WNT3: variants seen among roughly 807,000 people sequenced by gnomAD.
The protein encoded by WNT3 is proto-oncogene Wnt-3.
WNT3 carries 7 observed loss-of-function variants against 34.2 expected under a neutral mutation model. The ratio of observed to expected loss-of-function variants is 0.20; its 90% CI spans 0.12 to 0.38. The LOEUF is 0.38. WNT3 is among the 10% of genes least tolerant of loss of function. The probability of loss-of-function intolerance (pLI) is 1.00; values close to 1 mark genes in which losing one functional copy is unlikely to be tolerated. For synonymous variants in WNT3, 212 were observed against 211.5 expected, an observed-to-expected ratio of 1.00 and a Z score of -0.02; for missense variants, 267 against 499.8, an observed-to-expected ratio of 0.53 and a Z score of 4.44.
At chr17:46,771,932 G>GCGC (rs956328921) in intron 2 of WNT3, among the ~76,000 whole-genome samples, 3 of 141,344 alleles carry the variant, frequency 2.1e-5, no homozygotes, top group African/African-American at 7.6e-5. Flanking sequence ...CGGGCCCGCC[G>GCGC]CGCCGCCGCC....
At chr17:46,793,365 A>C (rs1048591415) in intron 1 of WNT3, among the ~76,000 whole-genome samples, 1 of 150,924 alleles carries the variant, frequency 6.6e-6, no homozygotes, top group Non-Finnish European at 1.5e-5. Flanking sequence ...CTAAGGAGAA[A>C]GGGAAGGAAG....
intron 1 of WNT3, among the ~76,000 whole-genome samples, chr17:46,809,148 G>A (rs2084236886): frequency 6.6e-6 from 1 of 152,184 alleles, no homozygotes; most frequent in Non-Finnish European, 1.5e-5. Flanking sequence ...TTACAACTGC[G>A]CAGGTGGACA....
intron 1 of WNT3, among the ~76,000 whole-genome samples, chr17:46,813,397 ACT>A (rs1171470546): frequency 7.0e-6 from 1 of 141,958 alleles, no homozygotes; most frequent in African/African-American, 2.7e-5. Flanking sequence ...CCATCTCCCC[ACT>A]CTCACCATTT....
chr17:46,773,730 C>T lies in WNT3; in HGVS notation c.260G>A (p.Arg87His), dbSNP rs772443949. ...ATCTATGGTGGTGCAGTTCCAGCGGCGGCCCCGGAACTGGTGCTGGCACTC... is the reference window on the plus strand; with the variant it reads ...ATCTATGGTGGTGCAGTTCCAGCGGTGGCCCCGGAACTGGTGCTGGCACTC... ...IQECQHQFRG[R>H]RWNCTTIDDS... Residue 87 changes from arginine to histidine, a missense_variant, in exon 2 of 5, where the codon CGC becomes CAC. Coordinates refer to ENST00000225512, the MANE Select transcript of WNT3 (RefSeq NM_030753.5). 1.2e-5 allele frequency: 19 copies of T among 1,589,050 alleles called. No individual in the cohort carries two copies. The highest frequency in any genetic ancestry group is 2.2e-5 in the South Asian group (2 of 90,802).
chr17:46,767,393 C>A (rs907978564), intron 4 of WNT3, among the ~76,000 whole-genome samples: 4 of 152,220 alleles, frequency 2.6e-5, no homozygotes, highest in Non-Finnish European at 4.4e-5. Flanking sequence ...CGCTTCCCCC[C>A]ACCCACCTCC....
chr17:46,815,542 C>T (rs2084329749), intron 1 of WNT3, among the ~76,000 whole-genome samples: 1 of 151,992 alleles, frequency 6.6e-6, no homozygotes, highest in Non-Finnish European at 1.5e-5. Flanking sequence ...ATCTGACTGC[C>T]AGGCGGGGGG....
chr17:46,767,924 G>T (rs555290134), intron 4 of WNT3, among the ~76,000 whole-genome samples: 5 of 152,190 alleles, frequency 3.3e-5, no homozygotes, highest in Admixed American at 2.0e-4. Context: ...AAGCAGCTGG[G>T]ATTACAGGCA....
At chr17:46,791,194 C>G (rs2083981820) in intron 1 of WNT3, among the ~76,000 whole-genome samples, 1 of 152,090 alleles carries the variant, frequency 6.6e-6, no homozygotes, top group South Asian at 2.1e-4. Flanking sequence ...TTCCCCCCAA[C>G]CCAGGACTTC....
intron 1 of WNT3, among the ~76,000 whole-genome samples, chr17:46,781,060 C>G (rs1157454750): frequency 1.3e-5 from 2 of 151,958 alleles, no homozygotes; most frequent in Non-Finnish European, 2.9e-5. Context: ...GAAACCCCAT[C>G]TCTACTAAAA....
At chr17:46,805,673 C>A (rs1484861572) in intron 1 of WNT3, among the ~76,000 whole-genome samples, 1 of 152,134 alleles carries the variant, frequency 6.6e-6, no homozygotes, top group Non-Finnish European at 1.5e-5. Context: ...ATAGCTTCAC[C>A]CCAGGAGATT....
chr17:46,817,277 C>T (rs994177766), intron 1 of WNT3, among the ~76,000 whole-genome samples: 7 of 152,196 alleles, frequency 4.6e-5, no homozygotes, highest in Admixed American at 1.3e-4. Flanking sequence ...GACCTGCAGG[C>T]GGTACCGCAC....
In WNT3 at chr17:46,803,149, G is replaced by A. The variant is rs1177320623; in HGVS notation, c.80+15369C>T. On this transcript the variant is annotated intron_variant, in intron 1 of 4. Coordinates refer to ENST00000225512, the MANE Select transcript of WNT3 (RefSeq NM_030753.5). ...TTGACAGCTTGCTTGGTGTATGCAC[G>A]CATTTGGTCGCAGAAGTCTTCTGTA... 2.6e-5 allele frequency among the ~76,000 whole-genome samples: 4 copies of A among 152,228 alleles called. 1 individual carries two copies. The highest frequency in any genetic ancestry group is 1.3e-4 in the Admixed American group (2 of 15,288).
At chr17:46,783,744 T>TCAGGTGGAGC (rs1158145268) in intron 1 of WNT3, among the ~76,000 whole-genome samples, 1 of 152,088 alleles carries the variant, frequency 6.6e-6, no homozygotes, top group Non-Finnish European at 1.5e-5. Context: ...CTAGGGGCCC[T>TCAGGTGGAGC]CAGGTGGAGC....
chr17:46,766,648 G>A (rs2059315906), intron 4 of WNT3, among the ~76,000 whole-genome samples: 1 of 152,126 alleles, frequency 6.6e-6, no homozygotes, highest in Non-Finnish European at 1.5e-5. Context: ...TCCTAGATGG[G>A]CTGAGTGAGT....
At chr17:46,802,583 G>T (rs562176412) in intron 1 of WNT3, among the ~76,000 whole-genome samples, 98 of 152,198 alleles carry the variant, frequency 6.4e-4, no homozygotes, top group African/African-American at 2.3e-3. Context: ...TAGAGGGTTG[G>T]ACTCCCAACC....
intron 1 of WNT3, among the ~76,000 whole-genome samples, chr17:46,815,812 T>C (rs1411352488): frequency 1.3e-5 from 2 of 152,124 alleles, no homozygotes; most frequent in African/African-American, 4.8e-5. Context: ...TGTGAGACTT[T>C]TGCTTCCTGT....
chr17:46,796,727 G>C (rs932398837), intron 1 of WNT3, among the ~76,000 whole-genome samples: 1 of 152,208 alleles, frequency 6.6e-6, no homozygotes, highest in East Asian at 1.9e-4. Flanking sequence ...CAAGATGAGC[G>C]GTGCCTGATC....
At chr17:46,774,376 T>C (rs780027614) in intron 1 of WNT3, among the ~76,000 whole-genome samples, 8 of 152,108 alleles carry the variant, frequency 5.3e-5, no homozygotes, top group Admixed American at 6.5e-5. Flanking sequence ...ACACACACAC[T>C]ACCCTTGGCA....
intron 2 of WNT3, 23 bp downstream of exon 2, chr17:46,773,645 C>CCCCCCCCCCA: frequency 7.1e-7 from 1 of 1,399,540 alleles, no homozygotes; most frequent in Non-Finnish European, 9.6e-7. Flanking sequence ...GCCCCTCCCC[C>CCCCCCCCCCA]CCCCTCAGCC....
Sources: gnomAD v4.1 joint callset for allele counts (sites outside exome capture counted in the v4.1 genomes callset) on GRCh38, gnomAD v4.1.1 for gene constraint, MANE v1.5 for transcripts, NCBI Gene and HGNC (gene_info 2026-07-23, HGNC 2026-07-21) for gene names.